UST: variants seen among roughly 807,000 people sequenced by gnomAD.
The protein encoded by UST is chondroitin sulfate 2-O-sulfotransferase.
A neutral mutation model predicts 45.6 loss-of-function variants in UST; 21 were observed. The observed-to-expected ratio is 0.46, with a 90% CI of 0.33 to 0.66. The LOEUF (loss-of-function observed/expected upper bound fraction) is 0.66. UST is among the 30% of genes least tolerant of loss of function. The pLI is 0.02. For missense variants in UST, 463 were observed against 512.4 expected, an observed-to-expected ratio of 0.90 and a Z score of 0.93; for synonymous variants, 215 against 200.6, an observed-to-expected ratio of 1.07 and a Z score of -0.61.
At chr6:148,987,592 T>G (rs1215472565) in intron 5 of UST, among the ~76,000 whole-genome samples, 1 of 152,236 alleles carries the variant, frequency 6.6e-6, no homozygotes, top group Non-Finnish European at 1.5e-5. Flanking sequence ...AACGCTTGCC[T>G]TCAAGAAAAG....
intron 2 of UST, among the ~76,000 whole-genome samples, chr6:148,925,195 T>C (rs1779788516): frequency 6.6e-6 from 1 of 152,160 alleles, no homozygotes; most frequent in South Asian, 2.1e-4. Flanking sequence ...GTGACCTGAC[T>C]ACTTGCCCCC....
intron 7 of UST, among the ~76,000 whole-genome samples, chr6:149,030,026 A>G (rs1436660942): frequency 6.6e-6 from 1 of 152,198 alleles, no homozygotes; most frequent in Non-Finnish European, 1.5e-5. Context: ...AATTACTTGT[A>G]TAACAATATG....
rs149556861 is a variant in UST at position 148,818,942 on chromosome 6, G to A, written c.248-68044G>A. On this transcript the variant is annotated intron_variant, in intron 1 of 7. Transcript: ENST00000367463. Reference sequence around the variant, plus strand: ...CCCAACTGCTAAGGTATTCAGGCCTGGTTTTCTGTCTGGGGATAATCAAAA... The same window carrying A: ...CCCAACTGCTAAGGTATTCAGGCCTAGTTTTCTGTCTGGGGATAATCAAAA... 3.9e-3 allele frequency among the ~76,000 whole-genome samples: 587 copies of A among 152,246 alleles called. 4 individuals carry two copies. Among genetic ancestry groups the A allele is most frequent in the African/African-American group, 0.013 (554 of 41,532 alleles).
At chr6:148,891,014 T>C (rs1779008207) in intron 2 of UST, among the ~76,000 whole-genome samples, 1 of 152,184 alleles carries the variant, frequency 6.6e-6, no homozygotes, top group Admixed American at 6.5e-5. Context: ...GAAAGGGTAA[T>C]AGTGTTTTCT....
At chr6:148,813,954 A>G (rs1342581549) in intron 1 of UST, among the ~76,000 whole-genome samples, 1 of 152,330 alleles carries the variant, frequency 6.6e-6, no homozygotes, top group East Asian at 1.9e-4. Context: ...TTTATATGAG[A>G]TAAAATATAA....
At chr6:148,968,025 C>T (rs1225797346) in intron 5 of UST, among the ~76,000 whole-genome samples, 11 of 152,178 alleles carry the variant, frequency 7.2e-5, no homozygotes, top group African/African-American at 1.7e-4. Flanking sequence ...GGTGTGGGAA[C>T]GGGCCTGGGA....
chr6:148,826,493 A>G (rs1383291221), intron 1 of UST, among the ~76,000 whole-genome samples: 1 of 152,128 alleles, frequency 6.6e-6, no homozygotes, highest in African/African-American at 2.4e-5. Context: ...TTGTCATTAT[A>G]CAAAAATGAC....
chr6:148,881,412 C>T (rs903339981), intron 1 of UST, among the ~76,000 whole-genome samples: 2 of 152,166 alleles, frequency 1.3e-5, no homozygotes, highest in Non-Finnish European at 2.9e-5. Flanking sequence ...GGAATCAAAA[C>T]TCTAAAGGTA....
chr6:148,823,785 T>C (rs1040985672), intron 1 of UST, among the ~76,000 whole-genome samples: 1 of 152,188 alleles, frequency 6.6e-6, no homozygotes, highest in Non-Finnish European at 1.5e-5. Flanking sequence ...GAGATTTTTA[T>C]AGAATTTTAG....
At chr6:148,889,339 T>C (rs950401859) in intron 2 of UST, among the ~76,000 whole-genome samples, 4 of 152,252 alleles carry the variant, frequency 2.6e-5, no homozygotes, top group Non-Finnish European at 5.9e-5. Flanking sequence ...ATGGCTATTA[T>C]CTAAAGTTTA....
chr6:148,952,165 A>G (rs910184613), intron 3 of UST, among the ~76,000 whole-genome samples: 4 of 152,210 alleles, frequency 2.6e-5, no homozygotes. Context: ...TTTTCCAAGC[A>G]GGCACCCTCA....
At chr6:148,978,545 C>A (rs1389225732) in intron 5 of UST, among the ~76,000 whole-genome samples, 6 of 151,984 alleles carry the variant, frequency 3.9e-5, no homozygotes, top group Non-Finnish European at 8.8e-5. Flanking sequence ...AGCTGGAAAC[C>A]ATCATCCTCA....
At chr6:149,001,624 C>T (rs1781551686) in intron 5 of UST, among the ~76,000 whole-genome samples, 2 of 152,124 alleles carry the variant, frequency 1.3e-5, no homozygotes, top group Admixed American at 1.3e-4. Flanking sequence ...ATTTTATACC[C>T]AGCTAAACAA....
chr6:148,916,910 C>A (rs1315685196), intron 2 of UST, among the ~76,000 whole-genome samples: 1 of 152,240 alleles, frequency 6.6e-6, no homozygotes, highest in Non-Finnish European at 1.5e-5. Context: ...GAGGCAATTT[C>A]TTCCTGCCTT....
At chr6:148,894,955 C>CT (rs1779095072) in intron 2 of UST, among the ~76,000 whole-genome samples, 1 of 151,286 alleles carries the variant, frequency 6.6e-6, no homozygotes, top group Middle Eastern at 3.2e-3. Flanking sequence ...GTAGCTGGGA[C>CT]TACAGGTGTG....
chr6:149,056,117 CTTTTTTTT>C (rs34191810), intron 7 of UST, among the ~76,000 whole-genome samples: 9 of 81,088 alleles, frequency 1.1e-4, no homozygotes, highest in South Asian at 4.6e-4. Flanking sequence ...CTTTTCTTTT[CTTTTTTTT>C]TTTTTTTTTT....
At chr6:148,781,398 C>G (rs1231371750) in intron 1 of UST, among the ~76,000 whole-genome samples, 1 of 152,128 alleles carries the variant, frequency 6.6e-6, no homozygotes, top group African/African-American at 2.4e-5. Flanking sequence ...GGTCCTAACT[C>G]TCTTCAGTTC....
chr6:148,803,443 G>A (rs1330815822), intron 1 of UST, among the ~76,000 whole-genome samples: 1 of 152,080 alleles, frequency 6.6e-6, no homozygotes, highest in Non-Finnish European at 1.5e-5. Flanking sequence ...TAGTCCTGAT[G>A]ACTTTACTTC....
At chr6:148,785,328 T>C (rs1776715639) in intron 1 of UST, among the ~76,000 whole-genome samples, 1 of 152,210 alleles carries the variant, frequency 6.6e-6, no homozygotes, top group South Asian at 2.1e-4. Flanking sequence ...AAGATTTGAT[T>C]CCTGATTTTA....
Sources: allele counts gnomAD v4.1 joint callset (sites outside exome capture counted in the v4.1 genomes callset), GRCh38; gene constraint gnomAD v4.1.1; transcripts MANE v1.5; gene names NCBI Gene and HGNC (gene_info 2026-07-23, HGNC 2026-07-21).